The following SLCO3A1 variants were observed in gnomAD, a reference collection of about 807,000 sequenced individuals.
The protein encoded by SLCO3A1 is PGE1 transporter.
SLCO3A1 carries 27 observed loss-of-function variants against 63.1 expected under a neutral mutation model. The ratio of observed to expected loss-of-function variants is 0.43; its 90% CI spans 0.32 to 0.59. SLCO3A1 has a LOEUF of 0.59. Ranked by LOEUF, SLCO3A1 falls within the 20% of genes least tolerant of loss-of-function variation. The pLI is 0.09. For synonymous variants in SLCO3A1, 473 were observed against 409.9 expected, an observed-to-expected ratio of 1.15 and a Z score of -1.86; for missense variants, 773 against 945.8, an observed-to-expected ratio of 0.82 and a Z score of 2.40.
At chr15:92,016,218 TAGA>T (rs925136788) in intron 2 of SLCO3A1, among the ~76,000 whole-genome samples, 9 of 84,646 alleles carry the variant, frequency 1.1e-4, no homozygotes, top group African/African-American at 5.9e-4. Context: ...GATAGATAGA[TAGA>T]TAGATAGATA....
rs1270918048 is a variant in SLCO3A1 at position 92,047,617 on chromosome 15, TAA to T, written c.647-47262_647-47261del. ...TAATATATAATATATATATAATATA[TAA>T]ATATATATATAAATATATAAATATA... On this transcript the variant is annotated intron_variant, in intron 2 of 9. Transcript: ENST00000318445. Among the ~76,000 whole-genome samples, 33 of 44,152 alleles carry T rather than the reference TAA, an allele frequency of 7.5e-4. 1 individual carries two copies. The highest frequency in any genetic ancestry group is 2.3e-3 in the Admixed American group (4 of 1,730). The allele number at this position is 44,152 out of a possible 152,430, so 29.0% of individuals were successfully genotyped here. A position where few individuals can be genotyped will look rare whatever the true frequency, so the allele number is the denominator to read the frequency against.
chr15:92,005,398 T>C (rs772472941), intron 2 of SLCO3A1, among the ~76,000 whole-genome samples: 1 of 152,230 alleles, frequency 6.6e-6, no homozygotes, highest in Non-Finnish European at 1.5e-5. Flanking sequence ...GGAAAGTTGA[T>C]GGTCTATCTG....
chr15:92,036,220 T>C (rs2046723773), intron 2 of SLCO3A1, among the ~76,000 whole-genome samples: 1 of 152,214 alleles, frequency 6.6e-6, no homozygotes, highest in South Asian at 2.1e-4. Flanking sequence ...GCACATTCTT[T>C]TCTGATTTTT....
intron 2 of SLCO3A1, among the ~76,000 whole-genome samples, chr15:92,087,360 A>T (rs1318344038): frequency 1.3e-5 from 2 of 152,232 alleles, no homozygotes; most frequent in African/African-American, 4.8e-5. Context: ...CTTTAAAAGA[A>T]GTCCTGATAC....
chr15:92,113,029 A>G (rs1225302197), intron 4 of SLCO3A1, among the ~76,000 whole-genome samples: 3 of 152,216 alleles, frequency 2.0e-5, no homozygotes, highest in Non-Finnish European at 4.4e-5. Context: ...GGCCTGGAGT[A>G]GTGAAAGCAG....
chr15:91,922,377 C>A (rs1898880970), intron 2 of SLCO3A1, among the ~76,000 whole-genome samples: 1 of 152,338 alleles, frequency 6.6e-6, no homozygotes, highest in South Asian at 2.1e-4. Flanking sequence ...AAAAATGTGT[C>A]ACGTTTTCTT....
intron 2 of SLCO3A1, among the ~76,000 whole-genome samples, chr15:91,951,111 T>A (rs146537905): frequency 7.7e-4 from 117 of 152,304 alleles, no homozygotes; most frequent in African/African-American, 2.7e-3. Context: ...CCTTTTAAAT[T>A]GTAAAGTCCT....
chr15:92,105,331 A>G (rs1251047653), intron 4 of SLCO3A1, among the ~76,000 whole-genome samples: 1 of 152,116 alleles, frequency 6.6e-6, no homozygotes, highest in Non-Finnish European at 1.5e-5. Flanking sequence ...TTGTCCTTTC[A>G]TTGTCTCCAC....
intron 2 of SLCO3A1, among the ~76,000 whole-genome samples, chr15:92,013,153 G>A (rs546431759): frequency 2.0e-5 from 3 of 152,230 alleles, no homozygotes; most frequent in African/African-American, 7.2e-5. Flanking sequence ...TTGAAGCTAG[G>A]GGGAGAGAGC....
At chr15:92,025,556 C>T (rs2046563237) in intron 2 of SLCO3A1, among the ~76,000 whole-genome samples, 1 of 152,210 alleles carries the variant, frequency 6.6e-6, no homozygotes, top group African/African-American at 2.4e-5. Context: ...GGCTCTGGGC[C>T]AGGCACTTTC....
chr15:92,143,469 A>ATATATTATATATATATAAATATATAT (rs1447344406), intron 7 of SLCO3A1, among the ~76,000 whole-genome samples: 1 of 21,200 alleles, frequency 4.7e-5, no homozygotes, highest in African/African-American at 2.9e-4. Flanking sequence ...AATATATATA[A>ATATATTATATATATATAAATATATAT]ATATATATAT....
At chr15:92,125,838 A>C (rs965090885) in intron 5 of SLCO3A1, among the ~76,000 whole-genome samples, 1 of 151,826 alleles carries the variant, frequency 6.6e-6, no homozygotes, top group African/African-American at 2.4e-5. Flanking sequence ...ACTTAGATTC[A>C]TGAAGCAGAG....
At chr15:91,881,101 T>C (rs1897572040) in intron 1 of SLCO3A1, among the ~76,000 whole-genome samples, 1 of 152,158 alleles carries the variant, frequency 6.6e-6, no homozygotes, top group Non-Finnish European at 1.5e-5. Context: ...CAAGAATTGA[T>C]GGGAGAAGGT....
At chr15:92,168,851 A>G (rs2048507187), downstream of SLCO3A1, among the ~76,000 whole-genome samples, 1 of 152,228 alleles carries the variant, frequency 6.6e-6, no homozygotes, top group Non-Finnish European at 1.5e-5. Flanking sequence ...ACATTCCCAT[A>G]TAGCTGTGAC....
intron 6 of SLCO3A1, among the ~76,000 whole-genome samples, chr15:92,127,860 G>A (rs1467197660): frequency 6.6e-6 from 1 of 152,180 alleles, no homozygotes; most frequent in African/African-American, 2.4e-5. Context: ...GAGGAATAAA[G>A]CAAAGAGACA....
intron 1 of SLCO3A1, among the ~76,000 whole-genome samples, chr15:91,871,998 T>C (rs1348764909): frequency 6.6e-6 from 1 of 152,158 alleles, no homozygotes; most frequent in Admixed American, 6.5e-5. Flanking sequence ...TTCTGGTTGC[T>C]CATTTCTTTT....
chr15:91,975,368 G>C (rs1901061778), intron 2 of SLCO3A1, among the ~76,000 whole-genome samples: 1 of 152,190 alleles, frequency 6.6e-6, no homozygotes, highest in African/African-American at 2.4e-5. Context: ...CAACACACAT[G>C]CAGTGTCCCC....
intron 7 of SLCO3A1, among the ~76,000 whole-genome samples, chr15:92,130,075 C>T (rs1305598979): frequency 6.6e-6 from 1 of 152,116 alleles, no homozygotes; most frequent in Non-Finnish European, 1.5e-5. Context: ...CGGTTATTGT[C>T]CTGTTATAAG....
intron 2 of SLCO3A1, among the ~76,000 whole-genome samples, chr15:91,949,174 A>G (rs1899912389): frequency 6.6e-6 from 1 of 152,140 alleles, no homozygotes; most frequent in Non-Finnish European, 1.5e-5. Context: ...TAACTCTGAC[A>G]CACACCCAAA....
Sources: allele counts gnomAD v4.1 joint callset (sites outside exome capture counted in the v4.1 genomes callset), GRCh38; gene constraint gnomAD v4.1.1; transcripts MANE v1.5; gene names NCBI Gene and HGNC (gene_info 2026-07-23, HGNC 2026-07-21).